Variants in MLIP observed in about 807,000 individuals in gnomAD.
MLIP encodes the protein muscular LMNA interacting protein.
In MLIP, 79 loss-of-function variants were observed where a neutral mutation model predicts 84.8. The ratio of observed to expected loss-of-function variants is 0.93; its 90% CI spans 0.78 to 1.12. The LOEUF (loss-of-function observed/expected upper bound fraction) is 1.12. MLIP is among the 50% of genes most tolerant of loss of function. MLIP has a pLI of 0.00. For synonymous variants in MLIP, 504 were observed against 463.0 expected, an observed-to-expected ratio of 1.09 and a Z score of -1.14; for missense variants, 1,257 against 1,160.6, an observed-to-expected ratio of 1.08 and a Z score of -1.21.
intron 4 of MLIP, among the ~76,000 whole-genome samples, chr6:54,145,840 C>T (rs1208213769): frequency 7.1e-6 from 1 of 141,154 alleles, no homozygotes; most frequent in Non-Finnish European, 1.5e-5. Context: ...TGAATAAATA[C>T]GTTAGTTGAA....
At chr6:54,086,608 G>T (rs1402300958) in intron 1 of MLIP, among the ~76,000 whole-genome samples, 1 of 152,120 alleles carries the variant, frequency 6.6e-6, no homozygotes, top group African/African-American at 2.4e-5. Flanking sequence ...AAAAGCCAAA[G>T]TCCGTTATAG....
chr6:54,062,187 T>C (rs753255593), intron 1 of MLIP, among the ~76,000 whole-genome samples: 2 of 152,208 alleles, frequency 1.3e-5, no homozygotes, highest in African/African-American at 4.8e-5. Context: ...ATTAACAGTA[T>C]GTTTTTTTTT....
chr6:54,058,810 ATTG>A (rs1273815394), intron 1 of MLIP: 4 of 152,166 alleles, frequency 2.6e-5, no homozygotes, highest in African/African-American at 9.6e-5. Context: ...CTCAAAGACA[ATTG>A]TTGTAATTCA....
At chr6:54,158,385 G>A (rs943059938) in intron 5 of MLIP, among the ~76,000 whole-genome samples, 7 of 151,996 alleles carry the variant, frequency 4.6e-5, no homozygotes, top group Non-Finnish European at 7.4e-5. Context: ...ATATTCAAGC[G>A]ACGATATTTC....
chr6:54,079,022 G>T (rs181610301), intron 1 of MLIP, among the ~76,000 whole-genome samples: 4 of 152,194 alleles, frequency 2.6e-5, no homozygotes, highest in Admixed American at 2.6e-4. Context: ...TAAGAATGTT[G>T]CACAAAATAT....
At chr6:54,141,638 AC>A (rs1264483064) in intron 4 of MLIP, among the ~76,000 whole-genome samples, 5 of 151,784 alleles carry the variant, frequency 3.3e-5, no homozygotes, top group Non-Finnish European at 5.9e-5. Flanking sequence ...ATTGTCTGAG[AC>A]TTTTTTTTCC....
chr6:54,135,252 A>T (rs1771701652), intron 3 of MLIP, among the ~76,000 whole-genome samples: 1 of 152,060 alleles, frequency 6.6e-6, no homozygotes. Flanking sequence ...CTTCCATTTG[A>T]TTCAATTCTG....
chr6:54,072,620 A>G (rs1264282097), intron 1 of MLIP, among the ~76,000 whole-genome samples: 2 of 152,188 alleles, frequency 1.3e-5, no homozygotes, highest in Non-Finnish European at 2.9e-5. Flanking sequence ...GGTAATGCTC[A>G]TTAATATTAG....
chr6:54,123,017 C>T (rs1035405390), intron 2 of MLIP, among the ~76,000 whole-genome samples: 16 of 151,978 alleles, frequency 1.1e-4, no homozygotes, highest in African/African-American at 3.9e-4. Context: ...CTGCAAGCTC[C>T]GCCTCCCGGG....
intron 1 of MLIP, among the ~76,000 whole-genome samples, chr6:54,114,805 A>G (rs1388901203): frequency 6.6e-6 from 1 of 152,206 alleles, no homozygotes; most frequent in East Asian, 1.9e-4. Context: ...ATAATACCTC[A>G]TTGAATAAAT....
rs1288811157 is a variant in MLIP at position 54,066,302 on chromosome 6, A to G, written c.63+47211A>G. ...AGGTGTCCTTCTCAAAATAATAAAC[A>G]CATTTTTATTTCTATGAGCATTAAA... is the stretch of plus-strand genomic sequence containing the variant. On this transcript the variant is annotated intron_variant, in intron 1 of 12. Coordinates refer to the MLIP transcript ENST00000274897. 2.0e-5 allele frequency among the ~76,000 whole-genome samples: 2 copies of G among 100,754 alleles called. 1 individual carries two copies. Among genetic ancestry groups the G allele is most frequent in the Admixed American group, 1.8e-4 (2 of 10,828 alleles). The allele number at this position is 100,754 out of a possible 152,430, so 66.1% of individuals were successfully genotyped here.
At chr6:54,221,284 T>C (rs142524190) in intron 11 of MLIP, among the ~76,000 whole-genome samples, 19 of 152,176 alleles carry the variant, frequency 1.2e-4, no homozygotes, top group African/African-American at 4.3e-4. Context: ...TATGAACCTG[T>C]TGGAAAAACA....
At chr6:54,187,620 G>A (rs373911297) in intron 9 of MLIP, among the ~76,000 whole-genome samples, 8 of 152,206 alleles carry the variant, frequency 5.3e-5, no homozygotes, top group Non-Finnish European at 7.4e-5. Context: ...AGGCTTATAT[G>A]CAAAAACCAT....
At chr6:54,196,750 T>C (rs1382906632) in intron 10 of MLIP, among the ~76,000 whole-genome samples, 2 of 152,058 alleles carry the variant, frequency 1.3e-5, no homozygotes, top group Non-Finnish European at 1.5e-5. Context: ...ATTCTAGATG[T>C]TGGAGATACA....
chr6:54,213,651 A>G (rs1259804339), intron 11 of MLIP, among the ~76,000 whole-genome samples: 16 of 136,130 alleles, frequency 1.2e-4, no homozygotes, highest in Non-Finnish European at 6.2e-5. Flanking sequence ...GCAGTGAGCC[A>G]AGATTGCATC....
At chr6:54,160,459 T>C in intron 6 of MLIP, 27 bp downstream of exon 6, 1 of 1,611,852 alleles carries the variant, frequency 6.2e-7, no homozygotes, top group Non-Finnish European at 8.5e-7. Context: ...ACCCCTGCTT[T>C]TGGTATGCAA....
chr6:54,075,309 G>A lies in MLIP; in HGVS notation c.64-46138G>A, dbSNP rs547606750. 4.7e-5 allele frequency among the ~76,000 whole-genome samples: 7 copies of A among 150,294 alleles called. No individual in the cohort carries two copies. The East Asian group carries it at 1.4e-3, about 29-fold the overall frequency. ...ATAATAATCAGGGAAATGCCTATGT[G>A]CTTCTTACTGAATTTTTATTCAAGG... On this transcript the variant is annotated intron_variant, in intron 1 of 12. Coordinates refer to the MLIP transcript ENST00000274897.
At chr6:54,166,971 G>A (rs1393199669) in intron 8 of MLIP, among the ~76,000 whole-genome samples, 1 of 151,836 alleles carries the variant, frequency 6.6e-6, no homozygotes, top group Non-Finnish European at 1.5e-5. Flanking sequence ...TTGGTGTCAT[G>A]TTTTATTCTT....
At chr6:54,222,083 T>G (rs1780259982) in intron 11 of MLIP, among the ~76,000 whole-genome samples, 1 of 152,048 alleles carries the variant, frequency 6.6e-6, no homozygotes, top group Non-Finnish European at 1.5e-5. Context: ...AATTGACAAT[T>G]AAAAATTGTA....
Sources: gnomAD v4.1 joint callset for allele counts (sites outside exome capture counted in the v4.1 genomes callset) on GRCh38, gnomAD v4.1.1 for gene constraint, MANE v1.5 for transcripts, NCBI Gene and HGNC (gene_info 2026-07-23, HGNC 2026-07-21) for gene names.